The following SEPTIN4 variants were observed in gnomAD, a reference collection of about 807,000 sequenced individuals.
The protein encoded by SEPTIN4 is septin-4.
A neutral mutation model predicts 107.1 loss-of-function variants in SEPTIN4; 52 were observed. The ratio of observed to expected loss-of-function variants is 0.49; its 90% CI spans 0.39 to 0.61. The LOEUF is 0.61. Among genes scored for constraint, SEPTIN4 ranks in the 20% least tolerant of loss-of-function variants. The probability of loss-of-function intolerance (pLI) is 0.00; values close to 1 mark genes in which losing one functional copy is unlikely to be tolerated. For missense variants in SEPTIN4, 1,048 were observed against 1,243.5 expected, an observed-to-expected ratio of 0.84 and a Z score of 2.36; for synonymous variants, 417 against 467.0, an observed-to-expected ratio of 0.89 and a Z score of 1.38.
chr17:58,521,135 A>G lies in SEPTIN4; in HGVS notation c.2694T>C (p.Phe898=). 1 of 1,614,106 alleles carries G rather than the reference A, an allele frequency of 6.2e-7. No individual in the cohort carries two copies. The highest frequency in any genetic ancestry group is 1.7e-5 in the Admixed American group (1 of 60,018). The part of the protein sequence containing the change: ...VEVENPGHCD[F]VKLRTMLVRT... ...GTACCAGCATTGTCCTCAGCTTCAC[A>G]AAGTCGCAGTGCCCTGGGTTTTCCA... Residue 898 remains phenylalanine (F), a synonymous_variant, in exon 12 of 14, where the codon TTT becomes TTC. Coordinates refer to ENST00000672673, the MANE Select transcript of SEPTIN4 (RefSeq NM_001368771.2). The surrounding 1 kb of genome is among the most constrained non-coding windows in gnomAD (Gnocchi z 6.4).
intron 1 of SEPTIN4, 121 bp downstream of exon 1, chr17:58,542,505 T>C: frequency 7.4e-7 from 1 of 1,350,652 alleles, no homozygotes; most frequent in Non-Finnish European, 1.0e-6. Flanking sequence ...TAGGACTAGC[T>C]TTGGCACTGG....
chr17:58,542,722 T>TTGGTGGTGA lies in SEPTIN4; in HGVS notation c.1456_1464dup (p.Ser486_Pro488dup). 1.2e-6 allele frequency: 2 copies of TTGGTGGTGA among 1,614,104 alleles called. No individual in the cohort carries two copies. Among genetic ancestry groups the TTGGTGGTGA allele is most frequent in the Non-Finnish European group, 8.5e-7 (1 of 1,180,012 alleles). ...AGTGGTGCCCAACTTGGAAACTCCTTTGGTGGTGATGGTGGTGATAGGCTT... is the reference window on the plus strand; with the variant it reads ...AGTGGTGCCCAACTTGGAAACTCCTTTGGTGGTGATGGTGGTGATGGTGGTGATAGGCTT... On this transcript the variant is annotated inframe_insertion, in exon 1 of 14. Transcript: ENST00000672673.
intron 7 of SEPTIN4, among the ~76,000 whole-genome samples, chr17:58,522,887 G>T (rs1234469289): frequency 6.6e-6 from 1 of 152,086 alleles, no homozygotes; most frequent in South Asian, 2.1e-4. Context: ...AATACACACT[G>T]CTCTCCCCTT....
At chr17:58,528,079 G>A (rs1038972067) in intron 3 of SEPTIN4, 6 of 972,938 alleles carry the variant, frequency 6.2e-6, no homozygotes, top group Admixed American at 6.2e-5. Flanking sequence ...CAATACCCAC[G>A]TGCCACCCCC....
In SEPTIN4 at chr17:58,544,275, T is replaced by C. The variant is rs1263309167; in HGVS notation, c.-89A>G. 6 of 1,479,466 alleles carry C rather than the reference T, an allele frequency of 4.1e-6. No individual in the cohort carries two copies. Among genetic ancestry groups the C allele is most frequent in the Non-Finnish European group, 5.4e-6 (6 of 1,110,530 alleles). The allele number at this position is 1,479,466 out of a possible 1,614,324, so 91.6% of individuals were successfully genotyped here. ...TAATGATGCCTGAATATTTACCCTG[T>C]TTTAAAGCTGCTGTTTCTTGGGCTC... On this transcript the variant is annotated 5_prime_UTR_variant, in exon 1 of 14. Coordinates refer to ENST00000672673, the MANE Select transcript of SEPTIN4 (RefSeq NM_001368771.2).
In SEPTIN4 at chr17:58,543,846, G is replaced by A. The variant is rs745764362; in HGVS notation, c.341C>T (p.Ser114Phe). The A allele has an allele frequency of 5.0e-6, 8 of 1,614,174 alleles. No homozygotes were observed. Among genetic ancestry groups the A allele is most frequent in the Non-Finnish European group, 5.9e-6 (7 of 1,180,046 alleles). ...TTTCCATTGTCTGCTTGAAGCATGG[G>A]AAGCCAGTGTCTGAGTCTTCTGGCT... The part of the protein sequence containing the change: ...LKSQKTQTLA[S>F]HASSRQWKVS... The change falls in exon 1 of 14, where the codon TCC becomes TTC. Residue 114 changes from serine (S) to phenylalanine (F), a missense_variant. Ser to Phe is a radical substitution (Grantham distance 155). Transcript: ENST00000672673.
chr17:58,543,848 A>G lies in SEPTIN4; in HGVS notation c.339T>C (p.Ala113=), dbSNP rs200740388. 2 of 1,614,044 alleles carry G rather than the reference A, an allele frequency of 1.2e-6. No homozygotes were observed. The highest frequency in any genetic ancestry group is 2.7e-5 in the African/African-American group (2 of 74,986). Residue 113 remains alanine, a synonymous_variant, in exon 1 of 14, where the codon GCT becomes GCC. Transcript: ENST00000672673. The part of the protein sequence containing the change: ...HLKSQKTQTL[A]SHASSRQWKV... ...TCCATTGTCTGCTTGAAGCATGGGA[A>G]GCCAGTGTCTGAGTCTTCTGGCTCT... is the stretch of plus-strand genomic sequence containing the variant.
intron 3 of SEPTIN4, chr17:58,529,315 A>T (rs2144163569): frequency 6.6e-7 from 1 of 1,523,724 alleles, no homozygotes; most frequent in South Asian, 1.3e-5. Context: ...TTTCTCTTTG[A>T]CCCCCTTCTG....
At chr17:58,531,488 C>G (rs1253221218) in intron 3 of SEPTIN4, 2 of 152,516 alleles carry the variant, frequency 1.3e-5, no homozygotes, top group Non-Finnish European at 2.9e-5. Flanking sequence ...ACCATCCCTC[C>G]TGGTGAGGCA....
chr17:58,525,352 GAA>G, intron 6 of SEPTIN4, 151 bp from the exon 7 acceptor site: 1 of 915,264 alleles, frequency 1.1e-6, no homozygotes, highest in Non-Finnish European at 1.6e-6. Context: ...TGTTCTCTGG[GAA>G]CCAGCAAGGA....
rs2042702057 is a variant in SEPTIN4, at chr17:58,525,095, T to G, written c.2199A>C (p.Ala733=). 2 of 1,614,098 alleles carry G rather than the reference T, an allele frequency of 1.2e-6. No individual in the cohort carries two copies. The highest frequency in any genetic ancestry group is 2.7e-5 in the African/African-American group (2 of 74,942). Reference sequence around the variant, plus strand: ...AGACATACCACTCTGTGTTGTTGACTGCATCCCCAAAACCTGGTGTGTCCA... The same window carrying G: ...AGACATACCACTCTGTGTTGTTGACGGCATCCCCAAAACCTGGTGTGTCCA... ...TIVDTPGFGD[A]VNNTECWKPV... is the part of the protein sequence containing the mutation. Residue 733 remains alanine (A), a synonymous_variant, in exon 7 of 14, where the codon GCA becomes GCC. Transcript: ENST00000672673.
rs1348838480 is a variant in SEPTIN4, at chr17:58,520,336, T to C, written c.*90A>G. 1 of 1,230,144 alleles carries C rather than the reference T, an allele frequency of 8.1e-7. No individual in the cohort carries two copies. The highest frequency in any genetic ancestry group is 1.2e-6 in the Non-Finnish European group (1 of 853,810). The allele number at this position is 1,230,144 out of a possible 1,614,324, so 76.2% of individuals were successfully genotyped here. A position where few individuals can be genotyped will look rare whatever the true frequency, so the allele number is the denominator to read the frequency against. On this transcript the variant is annotated 3_prime_UTR_variant, in exon 14 of 14. Transcript: ENST00000672673. ...GGATGTAAGGCGAAGTGGCAGTAGC[T>C]GAAGGGGCCTGAGCAGAGCTGGTGC...
chr17:58,527,957 A>C, intron 3 of SEPTIN4: 1 of 985,642 alleles, frequency 1.0e-6, no homozygotes, highest in African/African-American at 1.7e-5. Flanking sequence ...CAGAAGAGGA[A>C]CTGTTTCCCC....
chr17:58,520,325 G>C lies in SEPTIN4; in HGVS notation c.*101C>G. 2.9e-6 allele frequency: 3 copies of C among 1,052,192 alleles called. No individual in the cohort carries two copies. The highest frequency in any genetic ancestry group is 2.9e-6 in the Non-Finnish European group (2 of 697,516). 65.2% of individuals were successfully genotyped at this position (1,052,192 alleles called of 1,614,324 possible). On this transcript the variant is annotated 3_prime_UTR_variant, in exon 14 of 14. Coordinates refer to ENST00000672673, the MANE Select transcript of SEPTIN4 (RefSeq NM_001368771.2). ...GCAGTCAGCAGGGATGTAAGGCGAA[G>C]TGGCAGTAGCTGAAGGGGCCTGAGC... is the stretch of plus-strand genomic sequence containing the variant.
chr17:58,525,830 G>A, intron 5 of SEPTIN4, 49 bp from the exon 6 acceptor site: 1 of 1,507,864 alleles, frequency 6.6e-7, no homozygotes, highest in Non-Finnish European at 9.2e-7. Flanking sequence ...AAGATCTATA[G>A]CCAAAAAGCA....
chr17:58,543,472 C>A lies in SEPTIN4; in HGVS notation c.715G>T (p.Ala239Ser). 6.2e-7 allele frequency: 1 copy of A among 1,614,194 alleles called. No individual in the cohort carries two copies. Among genetic ancestry groups the A allele is most frequent in the East Asian group, 2.2e-5 (1 of 44,878 alleles). ...SSCVSADYQT[A>S]QRRVPVEESE... The stretch of plus-strand genomic sequence containing the variant: ...TCTTCTACAGGGACCCTTCTCTGGG[C>A]TGTCTGATAGTCTGCAGAGACACAG... The change falls in exon 1 of 14, where the codon GCC (alanine) becomes TCC (serine). Residue 239 changes from alanine to serine, a missense_variant. Transcript: ENST00000672673.
intron 3 of SEPTIN4, among the ~76,000 whole-genome samples, chr17:58,535,995 C>T (rs2043696865): frequency 1.3e-5 from 2 of 152,210 alleles, no homozygotes; most frequent in African/African-American, 2.4e-5. Flanking sequence ...CCCCGTGGTT[C>T]ACATACAAAG....
chr17:58,535,644 T>C (rs1326880257), intron 3 of SEPTIN4, among the ~76,000 whole-genome samples: 1 of 152,244 alleles, frequency 6.6e-6, no homozygotes, highest in Non-Finnish European at 1.5e-5. Flanking sequence ...ACTCATTTCA[T>C]TGGACTTTGC....
intron 4 of SEPTIN4, 84 bp downstream of exon 4, chr17:58,526,598 A>G: frequency 6.7e-7 from 1 of 1,489,526 alleles, no homozygotes; most frequent in Admixed American, 2.6e-5. Context: ...ACACACACAC[A>G]CACACACACA....
Sources: gnomAD v4.1 joint callset for allele counts (sites outside exome capture counted in the v4.1 genomes callset) on GRCh38, gnomAD v4.1.1 for gene constraint, Gnocchi (gnomAD v3.1) non-coding constraint, MANE v1.5 for transcripts, NCBI Gene and HGNC (gene_info 2026-07-23, HGNC 2026-07-21) for gene names.